ZUP1: variants seen among roughly 807,000 people sequenced by gnomAD.
ZUP1 encodes zinc finger-containing ubiquitin peptidase 1.
In ZUP1, 55 loss-of-function variants were observed where a neutral mutation model predicts 68.1. The observed-to-expected ratio is 0.81, with a 90% CI of 0.65 to 1.01. The LOEUF is 1.01. Ranked by LOEUF, ZUP1 falls within the 50% of genes least tolerant of loss-of-function variation. ZUP1 has a pLI of 0.00. For missense variants in ZUP1, 684 were observed against 674.9 expected (o/e 1.01, Z -0.15); for synonymous variants, 223 against 221.5 (o/e 1.01, Z -0.06).
chr6:116,641,319 A>C (rs1212556697), intron 9 of ZUP1, among the ~76,000 whole-genome samples: 3 of 152,266 alleles, frequency 2.0e-5, no homozygotes, highest in Middle Eastern at 3.4e-3. Context: ...GAATTGAACT[A>C]AGCTCTGCAC....
At chr6:116,642,217 C>T (rs2115382789) in intron 9 of ZUP1, among the ~76,000 whole-genome samples, 1 of 152,162 alleles carries the variant, frequency 6.6e-6, no homozygotes, top group East Asian at 1.9e-4. Context: ...CAAAAAGAGT[C>T]CAGGACCAGA....
In ZUP1 at chr6:116,635,840, T is replaced by C. The variant is rs1213511072; in HGVS notation, c.1729A>G (p.Ile577Val). ...CTTAAATGCTTGATTCTTCAAGGAATCTTCTCGGCTGTAAAGACTTGAGAA... is the reference window on the plus strand; with the variant it reads ...CTTAAATGCTTGATTCTTCAAGGAACCTTCTCGGCTGTAAAGACTTGAGAA... ...QASQVFTAEK[I>V]P Residue 577 changes from isoleucine to valine, a missense_variant, in exon 10 of 10, where the codon ATT (isoleucine) becomes GTT (valine). Physicochemically the swap from Ile to Val is conservative, Grantham distance 29 (BLOSUM62 3). Coordinates refer to ENST00000368576, the MANE Select transcript of ZUP1 (RefSeq NM_145062.3). 1.3e-6 allele frequency: 2 copies of C among 1,596,862 alleles called. No homozygotes were observed. The highest frequency in any genetic ancestry group is 1.8e-5 in the Admixed American group (1 of 55,596).
intron 8 of ZUP1, chr6:116,646,174 T>G (rs954174603): frequency 5.8e-6 from 2 of 345,004 alleles, no homozygotes; most frequent in African/African-American, 4.2e-5. Flanking sequence ...CTGCCAAATA[T>G]TTTACTTTTC....
intron 9 of ZUP1, among the ~76,000 whole-genome samples, chr6:116,638,796 T>C (rs1775983375): frequency 6.6e-6 from 1 of 152,110 alleles, no homozygotes; most frequent in African/African-American, 2.4e-5. Flanking sequence ...CCATCTGAGG[T>C]ACCGGGTTCA....
At chr6:116,659,559 T>C (rs1776773137) in intron 3 of ZUP1, among the ~76,000 whole-genome samples, 1 of 151,932 alleles carries the variant, frequency 6.6e-6, no homozygotes, top group South Asian at 2.1e-4. Flanking sequence ...AGTAACATCC[T>C]GCATTGATAC....
chr6:116,644,499 C>T (rs2115386850), intron 9 of ZUP1, among the ~76,000 whole-genome samples: 1 of 152,248 alleles, frequency 6.6e-6, no homozygotes, highest in South Asian at 2.1e-4. Flanking sequence ...CCATGGAATA[C>T]TATGCAGCCA....
intron 2 of ZUP1, among the ~76,000 whole-genome samples, chr6:116,665,569 CTTT>C (rs753039436): frequency 8.1e-5 from 9 of 111,568 alleles, no homozygotes; most frequent in Admixed American, 2.9e-4. Flanking sequence ...AAAAATTTTT[CTTT>C]TTTTTTTTTT....
chr6:116,658,833 T>C lies in ZUP1; in HGVS notation c.762A>G (p.Arg254=). Residue 254 remains arginine (R), a synonymous_variant, in exon 4 of 10, where the codon AGA becomes AGG. Coordinates refer to ENST00000368576, the MANE Select transcript of ZUP1 (RefSeq NM_145062.3). ...EDRKRRSEES[R]QEIEEFQKLQ... is the part of the protein sequence containing the mutation. ...GCTTCTGAAATTCTTCTATTTCTTG[T>C]CTTGATTCTTCAGATCTCCTCTTTC... 6.2e-7 allele frequency: 1 copy of C among 1,602,774 alleles called. No homozygotes were observed. The highest frequency in any genetic ancestry group is 8.5e-7 in the Non-Finnish European group (1 of 1,172,248).
At chr6:116,635,953 T>C in intron 9 of ZUP1, 74 bp from the exon 10 acceptor site, 1 of 1,040,646 alleles carries the variant, frequency 9.6e-7, no homozygotes, top group Non-Finnish European at 1.3e-6. Flanking sequence ...CATTCTAATG[T>C]AAAAAATAAA....
chr6:116,663,326 A>C (rs1174846201), intron 2 of ZUP1, among the ~76,000 whole-genome samples: 2 of 152,180 alleles, frequency 1.3e-5, no homozygotes, highest in African/African-American at 4.8e-5. Context: ...TTCCCTTAAA[A>C]ACACCTGCAA....
At chr6:116,656,621 CTGATTA>C (rs1381319147) in intron 5 of ZUP1, 57 bp downstream of exon 5, 1 of 1,284,612 alleles carries the variant, frequency 7.8e-7, no homozygotes, top group African/African-American at 1.5e-5. Context: ...TAAAATGATT[CTGATTA>C]TTACTTCAGT....
intron 3 of ZUP1, chr6:116,660,515 G>T: frequency 2.4e-6 from 1 of 424,428 alleles, no homozygotes; most frequent in Non-Finnish European, 4.1e-6. Flanking sequence ...AATTTTATGT[G>T]CCATATGGCA....
At chr6:116,642,569 G>T (rs369012464) in intron 9 of ZUP1, among the ~76,000 whole-genome samples, 23,432 of 152,152 alleles carry the variant, frequency 0.15, 2,035 homozygotes, top group Non-Finnish European at 0.2. Flanking sequence ...AATATAAACA[G>T]AACCAAAGAC....
chr6:116,659,754 T>C (rs1239642585), intron 3 of ZUP1, among the ~76,000 whole-genome samples: 1 of 152,196 alleles, frequency 6.6e-6, no homozygotes, highest in African/African-American at 2.4e-5. Flanking sequence ...CTACTCGGTG[T>C]CCCCCAGATC....
At chr6:116,638,373 C>T (rs1003081551) in intron 9 of ZUP1, among the ~76,000 whole-genome samples, 3 of 151,996 alleles carry the variant, frequency 2.0e-5, no homozygotes, top group African/African-American at 4.8e-5. Flanking sequence ...TATAATATTA[C>T]GTTCCCCCCT....
At chr6:116,661,973 C>T (rs922378250) in intron 2 of ZUP1, among the ~76,000 whole-genome samples, 7 of 152,074 alleles carry the variant, frequency 4.6e-5, no homozygotes, top group African/African-American at 1.7e-4. Context: ...GTTCAAAATG[C>T]TCACTGAAAT....
At chr6:116,664,247 A>G (rs1327691337) in intron 2 of ZUP1, among the ~76,000 whole-genome samples, 1 of 151,974 alleles carries the variant, frequency 6.6e-6, no homozygotes, top group African/African-American at 2.4e-5. Context: ...CCTGGCCAAC[A>G]TGGCGAAACC....
intron 9 of ZUP1, among the ~76,000 whole-genome samples, chr6:116,640,714 G>A (rs1776069831): frequency 6.6e-6 from 1 of 151,734 alleles, no homozygotes; most frequent in African/African-American, 2.4e-5. Flanking sequence ...GGCACAACCG[G>A]TACCAGCCAC....
chr6:116,667,886 C>A (rs1024775592), intron 1 of ZUP1, among the ~76,000 whole-genome samples: 1 of 152,066 alleles, frequency 6.6e-6, no homozygotes, highest in Admixed American at 6.5e-5. Context: ...GTAATAATTT[C>A]AGATTCATCA....
Sources: allele counts gnomAD v4.1 joint callset (sites outside exome capture counted in the v4.1 genomes callset), GRCh38; gene constraint gnomAD v4.1.1; transcripts MANE v1.5; gene names NCBI Gene and HGNC (gene_info 2026-07-23, HGNC 2026-07-21).